The following ARHGAP15 variants were observed in gnomAD, a reference collection of about 807,000 sequenced individuals.
The protein encoded by ARHGAP15 is rho GTPase-activating protein 15.
Under a neutral mutation model 63.7 loss-of-function variants are expected in ARHGAP15, and 51 were observed. The observed-to-expected ratio is 0.80, with a 90% CI of 0.64 to 1.01. The LOEUF (loss-of-function observed/expected upper bound fraction) is 1.01. Among genes scored for constraint, ARHGAP15 ranks in the 50% least tolerant of loss-of-function variants. The pLI, the probability that ARHGAP15 is intolerant of heterozygous loss-of-function variation, is 0.00. For missense variants in ARHGAP15, 560 were observed against 564.6 expected (o/e 0.99, Z 0.08); for synonymous variants, 191 against 193.8 (o/e 0.99, Z 0.12).
chr2:143,673,722 TTGTG>T (rs70982878), intron 12 of ARHGAP15, among the ~76,000 whole-genome samples: 755 of 54,570 alleles, frequency 0.014, 33 homozygotes, highest in African/African-American at 0.026. Context: ...AGGCCTTATA[TTGTG>T]TGTGTGTGTG....
intron 13 of ARHGAP15, among the ~76,000 whole-genome samples, chr2:143,727,432 T>G (rs2105476222): frequency 6.6e-6 from 1 of 151,736 alleles, no homozygotes; most frequent in East Asian, 1.9e-4. Flanking sequence ...GAAAGAAACT[T>G]TTAAAAAAAT....
intron 2 of ARHGAP15, among the ~76,000 whole-genome samples, chr2:143,189,813 A>T (rs557868471): frequency 3.4e-4 from 51 of 152,146 alleles, no homozygotes; most frequent in Middle Eastern, 3.4e-3. Flanking sequence ...TTTTTGGGTT[A>T]GCTATTTTTT....
chr2:143,281,933 A>G (rs892317569), intron 6 of ARHGAP15, among the ~76,000 whole-genome samples: 1 of 152,170 alleles, frequency 6.6e-6, no homozygotes, highest in Non-Finnish European at 1.5e-5. Flanking sequence ...TCATAAGCTT[A>G]TGTAACTCTT....
intron 13 of ARHGAP15, among the ~76,000 whole-genome samples, chr2:143,723,025 A>G (rs537529505): frequency 3.9e-5 from 6 of 152,344 alleles, no homozygotes; most frequent in East Asian, 1.9e-4. Context: ...TGGTGGTCCC[A>G]TGAGATTATG....
At chr2:143,631,558 C>T (rs1161134242) in intron 12 of ARHGAP15, among the ~76,000 whole-genome samples, 1 of 152,020 alleles carries the variant, frequency 6.6e-6, no homozygotes, top group Admixed American at 6.6e-5. Flanking sequence ...TTGCATTTCA[C>T]TAAAGATTAA....
intron 6 of ARHGAP15, among the ~76,000 whole-genome samples, chr2:143,298,210 G>A (rs11903632): frequency 0.022 from 3,287 of 151,890 alleles, 119 homozygotes; most frequent in African/African-American, 0.074. Context: ...TCTCATCCAC[G>A]TATGTATTGC....
intron 12 of ARHGAP15, among the ~76,000 whole-genome samples, chr2:143,650,100 TG>T (rs977464185): frequency 6.6e-6 from 1 of 151,840 alleles, no homozygotes; most frequent in Admixed American, 6.6e-5. Flanking sequence ...ATTTTTTCCC[TG>T]GGGAAAAAAA....
chr2:143,595,093 A>G (rs186945618), intron 11 of ARHGAP15, among the ~76,000 whole-genome samples: 26 of 152,280 alleles, frequency 1.7e-4, no homozygotes, highest in African/African-American at 5.8e-4. Flanking sequence ...GTAAATCTGT[A>G]TTTAGAGATG....
rs368110496 is a variant in ARHGAP15 at position 143,179,994 on chromosome 2, G to A, written c.166-22140G>A. ...AGTCATATCCTTTTTGCTGGTGGAA[G>A]GTCTTGCCTTGATGTTGATGGCTGC... On this transcript the variant is annotated intron_variant, in intron 2 of 13. Transcript: ENST00000295095. Among the ~76,000 whole-genome samples the A allele has an allele frequency of 7.9e-5, 12 of 152,292 alleles. No individual in the cohort carries two copies. In the East Asian group the frequency reaches 2.3e-3, roughly 29 times the overall value.
intron 10 of ARHGAP15, chr2:143,521,885 CATT>C (rs945677641): frequency 1.3e-5 from 2 of 151,630 alleles, no homozygotes; most frequent in African/African-American, 2.4e-5. Flanking sequence ...TAAAATGAAA[CATT>C]ATCAGGAAGG....
At chr2:143,324,539 A>C (rs1307147692) in intron 6 of ARHGAP15, among the ~76,000 whole-genome samples, 1 of 152,212 alleles carries the variant, frequency 6.6e-6, no homozygotes, top group East Asian at 1.9e-4. Context: ...AGTAGAAATG[A>C]ATTTGTTCAA....
chr2:143,440,457 T>C (rs1335616203), intron 8 of ARHGAP15, among the ~76,000 whole-genome samples: 4 of 152,208 alleles, frequency 2.6e-5, no homozygotes, highest in Non-Finnish European at 5.9e-5. Context: ...TTTGGCTTCC[T>C]GTGCCCTTGA....
At chr2:143,568,725 G>A (rs1295767794) in intron 11 of ARHGAP15, among the ~76,000 whole-genome samples, 1 of 152,148 alleles carries the variant, frequency 6.6e-6, no homozygotes, top group Non-Finnish European at 1.5e-5. Context: ...TATGTTTATT[G>A]CAGCACTATT....
intron 6 of ARHGAP15, among the ~76,000 whole-genome samples, chr2:143,303,071 C>A (rs1453724420): frequency 1.3e-5 from 2 of 151,934 alleles, no homozygotes; most frequent in Non-Finnish European, 2.9e-5. Flanking sequence ...AGAAGAAAAC[C>A]TAGGCAATAC....
At chr2:143,247,353 G>A (rs1176676974) in intron 5 of ARHGAP15, 2 of 152,442 alleles carry the variant, frequency 1.3e-5, no homozygotes, top group African/African-American at 4.8e-5. Flanking sequence ...GTGCATTCTT[G>A]TACGTGAGGT....
At chr2:143,533,597 C>A (rs1056504963) in intron 10 of ARHGAP15, among the ~76,000 whole-genome samples, 5 of 152,126 alleles carry the variant, frequency 3.3e-5, no homozygotes, top group Non-Finnish European at 5.9e-5. Context: ...TATGTTCAAG[C>A]ACCAGGAAAG....
At chr2:143,598,415 C>A (rs1697612848) in intron 11 of ARHGAP15, among the ~76,000 whole-genome samples, 1 of 152,164 alleles carries the variant, frequency 6.6e-6, no homozygotes, top group Admixed American at 6.6e-5. Context: ...AAGTGAAATA[C>A]ACGTGTTAAA....
chr2:143,297,794 A>G (rs1016293883), intron 6 of ARHGAP15, among the ~76,000 whole-genome samples: 1 of 152,060 alleles, frequency 6.6e-6, no homozygotes, highest in Middle Eastern at 3.2e-3. Flanking sequence ...GGCTAGGCCA[A>G]ATATTCAGCA....
intron 10 of ARHGAP15, among the ~76,000 whole-genome samples, chr2:143,546,342 T>G (rs929122541): frequency 6.6e-6 from 1 of 152,200 alleles, no homozygotes; most frequent in South Asian, 2.1e-4. Context: ...GGCTACACTT[T>G]ATATAACTCT....
Sources: allele counts gnomAD v4.1 joint callset (sites outside exome capture counted in the v4.1 genomes callset), GRCh38; gene constraint gnomAD v4.1.1; transcripts MANE v1.5; gene names NCBI Gene and HGNC (gene_info 2026-07-23, HGNC 2026-07-21).